Variants in MTSS1 observed in about 807,000 individuals in gnomAD.
MTSS1 encodes the protein protein MTSS 1.
In MTSS1, 18 loss-of-function variants were observed where a neutral mutation model predicts 79.0. The ratio of observed to expected loss-of-function variants is 0.23; its 90% confidence interval spans 0.16 to 0.34. MTSS1 has a LOEUF of 0.34. Ranked by LOEUF, MTSS1 falls within the 10% of genes least tolerant of loss-of-function variation. The probability of loss-of-function intolerance (pLI) is 1.00; values close to 1 mark genes in which losing one functional copy is unlikely to be tolerated. For missense variants in MTSS1, 815 were observed against 986.2 expected (o/e 0.83, Z 2.33); for synonymous variants, 341 against 368.6 (o/e 0.93, Z 0.86).
chr8:124,594,626 C>T (rs576942070), intron 3 of MTSS1, among the ~76,000 whole-genome samples: 1 of 152,292 alleles, frequency 6.6e-6, no homozygotes, highest in South Asian at 2.1e-4. Flanking sequence ...GTATGTGCCT[C>T]TGTAGAACAG....
At position 124,616,069 on chromosome 8, in the gene MTSS1, C is replaced by T. The variant is rs546031435; in HGVS notation, c.209-24834G>A. ...GATCCACACGGCTCTGGGCCACCTC[C>T]GCCTCCAACTGAACCAAGAGTGCAA... On this transcript the variant is annotated intron_variant, in intron 3 of 13. Transcript: ENST00000518547. Among the ~76,000 whole-genome samples, 83 of 152,346 alleles carry T rather than the reference C, an allele frequency of 5.4e-4. 1 individual carries two copies. The highest frequency in any genetic ancestry group is 7.2e-4 in the Admixed American group (11 of 15,308).
intron 3 of MTSS1, among the ~76,000 whole-genome samples, chr8:124,593,270 C>T (rs967345816): frequency 3.9e-5 from 6 of 152,172 alleles, no homozygotes; most frequent in African/African-American, 1.4e-4. Flanking sequence ...GTTAATAACC[C>T]GGCCACACAA....
intron 3 of MTSS1, among the ~76,000 whole-genome samples, chr8:124,666,289 C>A (rs945976112): frequency 6.6e-6 from 1 of 152,202 alleles, no homozygotes; most frequent in Admixed American, 6.5e-5. Context: ...ATAACACATG[C>A]AAGGCACTGT....
chr8:124,553,162 G>A lies in MTSS1; in HGVS notation c.2098C>T (p.Arg700Trp), dbSNP rs754509837. 20 of 1,613,988 alleles carry A rather than the reference G, an allele frequency of 1.2e-5. No homozygotes were observed. The highest frequency in any genetic ancestry group is 9.9e-5 in the South Asian group (9 of 91,078). ...IPESEAEDQE[R>W]EPPSATVSPG... is the part of the protein sequence containing the mutation. ...GAGACAGTGGCACTTGGGGGTTCCC[G>A]TTCCTGGTCTTCAGCTTCACTTTCT... Residue 700 changes from arginine (R) to tryptophan (W), a missense_variant, in exon 14 of 14, where the codon CGG (arginine) becomes TGG (tryptophan). By Grantham distance (101) the Arg-to-Trp change is moderately radical. Transcript: ENST00000518547. The surrounding 1 kb of genome is among the most constrained non-coding windows in gnomAD (Gnocchi z 6.0).
intron 3 of MTSS1, among the ~76,000 whole-genome samples, chr8:124,653,072 G>A (rs755168178): frequency 5.3e-5 from 8 of 152,200 alleles, no homozygotes; most frequent in South Asian, 4.1e-4. Flanking sequence ...ATTCACTTCC[G>A]TGGCCAGACA....
chr8:124,584,510 G>A (rs778633603), intron 6 of MTSS1, among the ~76,000 whole-genome samples: 1 of 152,132 alleles, frequency 6.6e-6, no homozygotes. Context: ...AAGATCTGAC[G>A]ATTCATTTGT....
At chr8:124,725,650 C>T (rs1833593578) in intron 1 of MTSS1, among the ~76,000 whole-genome samples, 1 of 152,190 alleles carries the variant, frequency 6.6e-6, no homozygotes, top group African/African-American at 2.4e-5. Flanking sequence ...ATTAGAAAGT[C>T]AGTTGATTTC....
At chr8:124,661,414 C>G (rs954642657) in intron 3 of MTSS1, among the ~76,000 whole-genome samples, 2 of 152,040 alleles carry the variant, frequency 1.3e-5, no homozygotes, top group Non-Finnish European at 2.9e-5. Flanking sequence ...AGAGCAAGTT[C>G]ATGAACCATG....
rs1201295128 is a variant in MTSS1, at chr8:124,567,100, G to A, written c.697C>T (p.Pro233Ser). 6.2e-7 allele frequency: 1 copy of A among 1,613,878 alleles called. No homozygotes were observed. The highest frequency in any genetic ancestry group is 1.3e-5 in the African/African-American group (1 of 74,906). The change falls in exon 8 of 14, where the codon CCT becomes TCT. Residue 233 changes from proline (P) to serine (S), a missense_variant. By Grantham distance (74) the Pro-to-Ser change is moderately conservative (BLOSUM62 -1). Transcript: ENST00000518547. ...SEDLKSLTMD[P>S]HKLPSSSEQV... The stretch of plus-strand genomic sequence containing the variant: ...TCACTTGAGGAGGGCAGTTTGTGAG[G>A]GTCCATGGTCAGGCTTTTTAGATCT...
At chr8:124,600,054 AC>A (rs1383624552) in intron 3 of MTSS1, among the ~76,000 whole-genome samples, 4 of 76,544 alleles carry the variant, frequency 5.2e-5, no homozygotes, top group East Asian at 5.0e-4. Context: ...AAAAAAAAAA[AC>A]AAAAAAAAAA....
intron 3 of MTSS1, among the ~76,000 whole-genome samples, chr8:124,698,659 G>A (rs567470244): frequency 5.3e-5 from 8 of 151,912 alleles, no homozygotes; most frequent in Non-Finnish European, 8.8e-5. Context: ...TTACAGGCAC[G>A]TGCCACCACG....
chr8:124,687,993 T>C (rs1475456166), intron 3 of MTSS1, among the ~76,000 whole-genome samples: 1 of 152,160 alleles, frequency 6.6e-6, no homozygotes, highest in Admixed American at 6.5e-5. Context: ...TAAAGGGAAG[T>C]ACCACCCGGG....
intron 6 of MTSS1, among the ~76,000 whole-genome samples, chr8:124,583,049 G>T (rs1035101775): frequency 6.6e-6 from 1 of 152,192 alleles, no homozygotes; most frequent in African/African-American, 2.4e-5. Flanking sequence ...ATTATTTTCT[G>T]GTGGTATCTT....
At chr8:124,637,254 G>T (rs1294531200) in intron 3 of MTSS1, among the ~76,000 whole-genome samples, 3 of 152,298 alleles carry the variant, frequency 2.0e-5, no homozygotes, top group South Asian at 4.1e-4. Context: ...ACTTTAAAGT[G>T]AACTTATTTA....
intron 1 of MTSS1, among the ~76,000 whole-genome samples, chr8:124,712,201 G>T (rs1268606131): frequency 3.9e-5 from 6 of 152,114 alleles, no homozygotes; most frequent in African/African-American, 4.8e-5. Context: ...GAGTCAATCT[G>T]GGAGGGGCTT....
At position 124,598,950 on chromosome 8, in the gene MTSS1, C is replaced by T. The variant is rs1256530790; in HGVS notation, c.209-7715G>A. Among the ~76,000 whole-genome samples, 4 of 152,182 alleles carry T rather than the reference C, an allele frequency of 2.6e-5. 1 individual carries two copies. Among genetic ancestry groups the T allele is most frequent in the Non-Finnish European group, 5.9e-5 (4 of 68,030 alleles). ...AAGAATGGGTGGTGGATAAGAAAGC[C>T]ACCTCCAACCACTCAATGGCTTGTG... On this transcript the variant is annotated intron_variant, in intron 3 of 13. Coordinates refer to ENST00000518547, the MANE Select transcript of MTSS1 (RefSeq NM_014751.6).
intron 3 of MTSS1, among the ~76,000 whole-genome samples, chr8:124,686,629 A>T (rs1425019204): frequency 6.6e-6 from 1 of 152,192 alleles, no homozygotes; most frequent in Non-Finnish European, 1.5e-5. Context: ...TAGCTTGGTG[A>T]TTCTCAACCA....
chr8:124,604,517 C>G (rs192645645), intron 3 of MTSS1, among the ~76,000 whole-genome samples: 1 of 152,160 alleles, frequency 6.6e-6, no homozygotes, highest in East Asian at 1.9e-4. Context: ...TACAACTTCC[C>G]TTTTGCTACA....
At chr8:124,643,629 C>A (rs1437522083) in intron 3 of MTSS1, among the ~76,000 whole-genome samples, 3 of 138,438 alleles carry the variant, frequency 2.2e-5, no homozygotes, top group African/African-American at 8.3e-5. Context: ...ACTGGGGAGG[C>A]AGAGGCTGTG....
Sources: gnomAD v4.1 joint callset for allele counts (sites outside exome capture counted in the v4.1 genomes callset) on GRCh38, gnomAD v4.1.1 for gene constraint, Gnocchi (gnomAD v3.1) non-coding constraint, MANE v1.5 for transcripts, NCBI Gene and HGNC (gene_info 2026-07-23, HGNC 2026-07-21) for gene names.